Variants in MED16 observed in about 807,000 individuals in gnomAD.
The protein encoded by MED16 is mediator complex subunit 16.
MED16 carries 81 observed loss-of-function variants against 84.4 expected under a neutral mutation model. That is an observed-to-expected ratio of 0.96 (90% CI 0.80 to 1.15). The LOEUF (loss-of-function observed/expected upper bound fraction) is 1.15. Among genes scored for constraint, MED16 ranks in the 50% most tolerant of loss-of-function variants. The probability of loss-of-function intolerance (pLI) is 0.00; values close to 1 mark genes in which losing one functional copy is unlikely to be tolerated. For synonymous variants in MED16, 897 were observed against 552.2 expected (o/e 1.62, Z -8.76); for missense variants, 1,585 against 1,245.9 (o/e 1.27, Z -4.10).
At chr19:890,775 G>A (rs1342949902) in intron 2 of MED16, among the ~76,000 whole-genome samples, 188 bp downstream of exon 2, 1 of 152,202 alleles carries the variant, frequency 6.6e-6, no homozygotes, top group Non-Finnish European at 1.5e-5. Context: ...ACCAGGTTTG[G>A]GGGGCACTGA....
chr19:887,744 G>T (rs920398957), intron 4 of MED16, among the ~76,000 whole-genome samples: 1 of 152,124 alleles, frequency 6.6e-6, no homozygotes, highest in Non-Finnish European at 1.5e-5. Flanking sequence ...AGGACATCAC[G>T]CTCAGTAAGA....
In MED16 at chr19:871,729, G is replaced by A. The variant is rs367872121; in HGVS notation, c.2098+197C>T. The A allele has an allele frequency of 7.4e-4, 822 of 1,113,288 alleles. 4 individuals are homozygous for A. The highest frequency in any genetic ancestry group is 1.7e-3 in the African/African-American group (96 of 57,910). 69.0% of individuals were successfully genotyped at this position (1,113,288 alleles called of 1,614,324 possible). ...GCAGGGGCTTATGTTCTGGCGGGGGGCTCAGGCAGGACTTGTGTTTTGGTA... is the reference window on the plus strand; with the variant it reads ...GCAGGGGCTTATGTTCTGGCGGGGGACTCAGGCAGGACTTGTGTTTTGGTA... On this transcript the variant is annotated intron_variant, in intron 12 of 15. Coordinates refer to ENST00000325464, the MANE Select transcript of MED16 (RefSeq NM_005481.3).
At position 873,440 on chromosome 19, in the gene MED16, A is replaced by G. The variant is rs2036147287; in HGVS notation, c.1905+9T>C. ...GGGGGGCGGGGCCTTAGGGGAGAGC[A>G]TGGCGCACCTGGTTGGGTAGGCTGG... is the stretch of plus-strand genomic sequence containing the variant. On this transcript the variant is annotated intron_variant, in intron 11 of 15. Transcript: ENST00000325464. The G allele has an allele frequency of 6.2e-7, 1 of 1,605,730 alleles. No homozygotes were observed. Among genetic ancestry groups the G allele is most frequent in the Non-Finnish European group, 8.5e-7 (1 of 1,179,392 alleles).
chr19:871,360 C>A, intron 12 of MED16, 107 bp from the exon 13 acceptor site: 3 of 1,353,312 alleles, frequency 2.2e-6, no homozygotes, highest in Non-Finnish European at 2.0e-6. Context: ...GGTCAGGGCC[C>A]CAGCTCTGTC....
chr19:887,641 G>A (rs534797588), intron 4 of MED16, among the ~76,000 whole-genome samples: 8 of 152,222 alleles, frequency 5.3e-5, no homozygotes, highest in Non-Finnish European at 1.0e-4. Context: ...ACTCCAGCCC[G>A]GTTGACAGAA....
chr19:877,806 C>A (rs1397793747), intron 8 of MED16, among the ~76,000 whole-genome samples: 3 of 127,280 alleles, frequency 2.4e-5, no homozygotes, highest in Non-Finnish European at 5.0e-5. Flanking sequence ...CCACGTGCCC[C>A]AGCAGCTCGC....
chr19:890,256 G>C lies in MED16; in HGVS notation c.170-12C>G. 2.0e-6 allele frequency: 3 copies of C among 1,521,504 alleles called. No homozygotes were observed. Among genetic ancestry groups the C allele is most frequent in the Non-Finnish European group, 2.7e-6 (3 of 1,129,708 alleles). The allele number at this position is 1,521,504 out of a possible 1,614,324, so 94.3% of individuals were successfully genotyped here. A position where few individuals can be genotyped will look rare whatever the true frequency, so the allele number is the denominator to read the frequency against. ...CATGCGGGTCAGGTCTGTGGGGACGGGGCATGGTCAGCACGGCCTGGCACC... is the reference window on the plus strand; with the variant it reads ...CATGCGGGTCAGGTCTGTGGGGACGCGGCATGGTCAGCACGGCCTGGCACC... On this transcript the variant is annotated splice_polypyrimidine_tract_variant and intron_variant, in intron 2 of 15. Coordinates refer to ENST00000325464, the MANE Select transcript of MED16 (RefSeq NM_005481.3).
chr19:874,589 A>G (rs949905993), intron 10 of MED16, among the ~76,000 whole-genome samples: 4 of 152,198 alleles, frequency 2.6e-5, no homozygotes, highest in African/African-American at 9.7e-5. Flanking sequence ...CTGCCTGCAC[A>G]GGACCCGGGT....
chr19:873,302 CAAGT>C (rs2036141049), intron 11 of MED16, 143 bp downstream of exon 11: 1 of 539,174 alleles, frequency 1.9e-6, no homozygotes, highest in African/African-American at 3.8e-5. Context: ...GGCGGGACTC[CAAGT>C]AGGGGCGGGA....
At chr19:886,736 T>C (rs561935704) in intron 4 of MED16, among the ~76,000 whole-genome samples, 6 of 152,346 alleles carry the variant, frequency 3.9e-5, no homozygotes, top group Non-Finnish European at 8.8e-5. Context: ...AAGTCATTAT[T>C]GACATACGGA....
In MED16 at chr19:869,063, G is replaced by A. The variant is rs1296224841; in HGVS notation, c.2316-117C>T. ...ATGGCCGGCCTCACACCATCTGCCA[G>A]GTGGGCCCAGATGTCTGTGAACAGT... On this transcript the variant is annotated intron_variant, in intron 13 of 15. Transcript: ENST00000325464. 1.7e-5 allele frequency: 15 copies of A among 883,944 alleles called. 1 individual carries two copies. Among genetic ancestry groups the A allele is most frequent in the Middle Eastern group, 3.4e-4 (1 of 2,926 alleles). 54.8% of individuals were successfully genotyped at this position (883,944 alleles called of 1,614,324 possible). A position where few individuals can be genotyped will look rare whatever the true frequency, so the allele number is the denominator to read the frequency against.
intron 13 of MED16, among the ~76,000 whole-genome samples, chr19:869,855 C>T (rs771624368): frequency 6.6e-6 from 1 of 152,216 alleles, no homozygotes; most frequent in Non-Finnish European, 1.5e-5. Flanking sequence ...GGGGGTCTGA[C>T]GGGCCTGGGT....
chr19:889,312 T>C (rs372449928), intron 4 of MED16, among the ~76,000 whole-genome samples: 7 of 152,150 alleles, frequency 4.6e-5, no homozygotes, highest in African/African-American at 4.8e-5. Flanking sequence ...CCACCAGTTA[T>C]ACATGCAGCT....
chr19:875,559 C>T lies in MED16; in HGVS notation c.1561-105G>A, dbSNP rs150098458. On this transcript the variant is annotated intron_variant, in intron 9 of 15. Coordinates refer to ENST00000325464, the MANE Select transcript of MED16 (RefSeq NM_005481.3). ...TCGACTCTGACACCAGGCGCTCGGT[C>T]AGCTGGGCAAGCTGCTTCGCCTCTG... 536 of 900,976 alleles carry T rather than the reference C, an allele frequency of 5.9e-4. 6 individuals are homozygous for T. The East Asian group carries it at 0.014, about 23-fold the overall frequency. The allele number at this position is 900,976 out of a possible 1,614,324, so 55.8% of individuals were successfully genotyped here.
chr19:868,602 CT>C (rs2035972484), intron 14 of MED16, 103 bp from the exon 15 acceptor site: 2 of 1,446,214 alleles, frequency 1.4e-6, no homozygotes, highest in Admixed American at 2.2e-5. Flanking sequence ...CTCGCCGTCC[CT>C]CACGCCTGCT....
chr19:886,936 G>A (rs111542276), intron 4 of MED16, among the ~76,000 whole-genome samples: 2,940 of 152,004 alleles, frequency 0.019, 90 homozygotes, highest in African/African-American at 0.066. Context: ...AAAATTAGCC[G>A]GGCATGGTAG....
chr19:873,396 A>C, intron 11 of MED16, 53 bp downstream of exon 11: 1 of 1,495,240 alleles, frequency 6.7e-7, no homozygotes, highest in Non-Finnish European at 8.9e-7. Flanking sequence ...CGGGGTCCTG[A>C]TGAGATGGGG....
In MED16 at chr19:868,612, C is replaced by T. The variant is rs182404731; in HGVS notation, c.2400-113G>A. ...CTCTGCTCGCCGTCCCTCACGCCTG[C>T]TCCCCACGTCCCCACCTGCCACAGG... On this transcript the variant is annotated intron_variant, in intron 14 of 15. Transcript: ENST00000325464. The T allele has an allele frequency of 1.8e-3, 2,501 of 1,387,648 alleles. 33 individuals are homozygous for T. The South Asian group carries it at 0.02, about 11-fold the overall frequency. The allele number at this position is 1,387,648 out of a possible 1,614,324, so 86.0% of individuals were successfully genotyped here.
chr19:875,247 C>T lies in MED16; in HGVS notation c.1768G>A (p.Val590Ile), dbSNP rs913709006. 8.1e-6 allele frequency: 13 copies of T among 1,605,686 alleles called. No homozygotes were observed. The highest frequency in any genetic ancestry group is 2.2e-5 in the East Asian group (1 of 44,576). The change falls in exon 10 of 16, where the codon GTC becomes ATC. Residue 590 changes from valine to isoleucine, a missense_variant. Coordinates refer to ENST00000325464, the MANE Select transcript of MED16 (RefSeq NM_005481.3). ...LTEICTKITD[V>I]DIDKVMINLK... ...CCGGGCGTGGAAAAGGACCCACCGA[C>T]GTCGGTGATCTTGGTGCAGATCTCG...
Sources: allele counts gnomAD v4.1 joint callset (sites outside exome capture counted in the v4.1 genomes callset), GRCh38; gene constraint gnomAD v4.1.1; transcripts MANE v1.5; gene names NCBI Gene and HGNC (gene_info 2026-07-23, HGNC 2026-07-21).